The following HDAC9 variants were observed in gnomAD, a reference collection of about 807,000 sequenced individuals.
The protein encoded by HDAC9 is MEF-2 interacting transcription repressor (MITR) protein.
A neutral mutation model predicts 139.4 loss-of-function variants in HDAC9; 41 were observed. That is an observed-to-expected ratio of 0.29 (90% CI 0.23 to 0.38). HDAC9 has a LOEUF of 0.38. Among genes scored for constraint, HDAC9 ranks in the 10% least tolerant of loss-of-function variants. HDAC9 has a pLI of 1.00. For synonymous variants in HDAC9, 517 were observed against 476.2 expected (o/e 1.09, Z -1.12); for missense variants, 1,147 against 1,297.0 (o/e 0.88, Z 1.78).
At position 18,327,451 on chromosome 7, in the gene HDAC9, A is replaced by G. The variant is rs527716691; in HGVS notation, c.-42+36936A>G. The G allele has an allele frequency of 3.3e-5, 5 of 152,058 alleles. No homozygotes were observed. The East Asian group carries it at 9.7e-4, about 30-fold the overall frequency. The allele number at this position is 152,058 out of a possible 1,614,324, so 9.4% of individuals were successfully genotyped here. On this transcript the variant is annotated intron_variant, in intron 1 of 3. Coordinates refer to the HDAC9 transcript ENST00000413509. ...AATTGATCATTTCTGACCTACAGAT[A>G]TGACAGCTGCATAGATTCAACCTAC...
chr7:18,841,592 T>G (rs1039824025), intron 21 of HDAC9, among the ~76,000 whole-genome samples: 6 of 152,136 alleles, frequency 3.9e-5, no homozygotes, highest in African/African-American at 1.4e-4. Context: ...AGGCAGCAAG[T>G]GTGATTTTGG....
intron 1 of HDAC9, among the ~76,000 whole-genome samples, chr7:18,160,510 A>C (rs984048606): frequency 6.6e-6 from 1 of 152,222 alleles, no homozygotes; most frequent in Non-Finnish European, 1.5e-5. Flanking sequence ...GGAGAGAGTT[A>C]CAAGTTATCT....
At chr7:18,991,383 G>A (rs1785931678) in intron 25 of HDAC9, among the ~76,000 whole-genome samples, 1 of 152,228 alleles carries the variant, frequency 6.6e-6, no homozygotes, top group Non-Finnish European at 1.5e-5. Context: ...GCTCATGCCT[G>A]TAATCCCAGT....
intron 6 of HDAC9, among the ~76,000 whole-genome samples, chr7:18,614,149 C>G (rs1474184102): frequency 2.6e-5 from 4 of 152,066 alleles, no homozygotes; most frequent in Non-Finnish European, 5.9e-5. Context: ...TCAGGACTGC[C>G]TTCATTTTTT....
At chr7:18,199,509 G>A (rs1010962042) in intron 2 of HDAC9, among the ~76,000 whole-genome samples, 8 of 152,052 alleles carry the variant, frequency 5.3e-5, no homozygotes, top group African/African-American at 1.7e-4. Flanking sequence ...AAATAGGGTG[G>A]GTGTAGTGGC....
intron 15 of HDAC9, 103 bp from the exon 16 acceptor site, chr7:18,767,003 A>T: frequency 2.0e-6 from 1 of 504,474 alleles, no homozygotes; most frequent in Non-Finnish European, 3.5e-6. Context: ...GCATCAAACG[A>T]TAAATACCAT....
intron 1 of HDAC9, among the ~76,000 whole-genome samples, chr7:18,116,200 A>T (rs193174377): frequency 7.2e-5 from 11 of 152,326 alleles, no homozygotes; most frequent in African/African-American, 2.6e-4. Flanking sequence ...AATTTAGATT[A>T]GTTCATTTTT....
intron 22 of HDAC9, among the ~76,000 whole-genome samples, chr7:18,894,122 G>A (rs981917218): frequency 6.6e-6 from 1 of 152,114 alleles, no homozygotes; most frequent in African/African-American, 2.4e-5. Context: ...TGACTTCAGG[G>A]TTTTGGGTCT....
At chr7:18,747,653 A>G (rs1788096220) in intron 13 of HDAC9, among the ~76,000 whole-genome samples, 1 of 152,184 alleles carries the variant, frequency 6.6e-6, no homozygotes, top group Non-Finnish European at 1.5e-5. Flanking sequence ...CTCATAAGGG[A>G]GGTCAGTCCT....
intron 2 of HDAC9, among the ~76,000 whole-genome samples, chr7:18,233,838 G>A (rs1167120029): frequency 6.6e-6 from 1 of 152,062 alleles, no homozygotes; most frequent in Non-Finnish European, 1.5e-5. Context: ...TCTGAAATTT[G>A]TTTTATCTTG....
At position 18,581,596 on chromosome 7, in the gene HDAC9, C is replaced by G. The variant is rs539488319; in HGVS notation, c.23-3685C>G. Among the ~76,000 whole-genome samples the G allele has an allele frequency of 1.2e-4, 18 of 152,210 alleles. No individual in the cohort carries two copies. In the South Asian group the frequency reaches 3.5e-3, roughly 30 times the overall value. ...GGTCTCTTGAATTTTTACATTTTGT[C>G]TTTATAGGGTTAAGTTCTGACCTTT... On this transcript the variant is annotated intron_variant, in intron 2 of 25. Coordinates refer to ENST00000686413, the MANE Select transcript of HDAC9 (RefSeq NM_178425.4).
intron 12 of HDAC9, among the ~76,000 whole-genome samples, chr7:18,718,005 C>T (rs575184781): frequency 6.6e-6 from 1 of 152,248 alleles, no homozygotes; most frequent in Non-Finnish European, 1.5e-5. Context: ...TTACTCATTT[C>T]TATGTACAAT....
chr7:18,162,027 A>G (rs1787660953), intron 1 of HDAC9, among the ~76,000 whole-genome samples: 1 of 152,138 alleles, frequency 6.6e-6, no homozygotes. Context: ...TGTTCACAAT[A>G]TTCCTGTGCT....
At chr7:18,914,543 T>C (rs28636957) in intron 22 of HDAC9, among the ~76,000 whole-genome samples, 31,975 of 151,948 alleles carry the variant, frequency 0.21, 3,960 homozygotes, top group East Asian at 0.4. Context: ...GTTTCTAATA[T>C]AATTTTTAAG....
chr7:18,892,506 A>C (rs1436036122), intron 22 of HDAC9: 5 of 152,166 alleles, frequency 3.3e-5, no homozygotes, highest in Non-Finnish European at 7.4e-5. Context: ...CATTTATATC[A>C]GAAATTGACC....
rs747683704 is a variant in HDAC9 at position 18,805,796 on chromosome 7, C to A, written c.2322+12344C>A. 2.6e-5 allele frequency among the ~76,000 whole-genome samples: 4 copies of A among 152,220 alleles called. No homozygotes were observed. In the East Asian group the frequency reaches 7.7e-4, roughly 29 times the overall value. ...AGGCCTTTGAAGAACCCAGAGAGAT[C>A]ACCAACTTGCATTGCTAATCCAGTC... On this transcript the variant is annotated intron_variant, in intron 17 of 25. Coordinates refer to ENST00000686413, the MANE Select transcript of HDAC9 (RefSeq NM_178425.4).
intron 24 of HDAC9, among the ~76,000 whole-genome samples, chr7:18,973,778 G>A (rs182050345): frequency 3.9e-5 from 6 of 152,140 alleles, no homozygotes; most frequent in Non-Finnish European, 7.3e-5. Flanking sequence ...TTCTCGTTTC[G>A]ATTCTGTTAC....
intron 1 of HDAC9, among the ~76,000 whole-genome samples, chr7:18,431,041 TGTCCTGTC>T: frequency 6.6e-6 from 1 of 151,482 alleles, no homozygotes; most frequent in Admixed American, 6.6e-5. Context: ...TGTCCTGTCC[TGTCCTGTC>T]CTGTCCTGTC....
intron 1 of HDAC9, among the ~76,000 whole-genome samples, chr7:18,489,287 T>C (rs1796195961): frequency 1.3e-5 from 2 of 152,194 alleles, no homozygotes; most frequent in South Asian, 4.1e-4. Flanking sequence ...ATCAATTATA[T>C]AACTTTCTTT....
Sources: allele counts gnomAD v4.1 joint callset (sites outside exome capture counted in the v4.1 genomes callset), GRCh38; gene constraint gnomAD v4.1.1; transcripts MANE v1.5; gene names NCBI Gene and HGNC (gene_info 2026-07-23, HGNC 2026-07-21).